The following TCF7L1 variants were observed in gnomAD, a reference collection of about 807,000 sequenced individuals.
TCF7L1 encodes the protein transcription factor 7-like 1.
Under a neutral mutation model 63.7 loss-of-function variants are expected in TCF7L1, and 18 were observed. The ratio of observed to expected loss-of-function variants is 0.28; its 90% confidence interval spans 0.20 to 0.42. The LOEUF (loss-of-function observed/expected upper bound fraction) is 0.42. Among genes scored for constraint, TCF7L1 ranks in the 10% least tolerant of loss-of-function variants. The pLI, the probability that TCF7L1 is intolerant of heterozygous loss-of-function variation, is 1.00. For synonymous variants in TCF7L1, 355 were observed against 340.9 expected (o/e 1.04, Z -0.46); for missense variants, 654 against 779.3 (o/e 0.84, Z 1.91).
intron 3 of TCF7L1, among the ~76,000 whole-genome samples, chr2:85,245,879 A>C (rs1680452964): frequency 1.3e-5 from 2 of 151,676 alleles, no homozygotes; most frequent in South Asian, 4.2e-4. Context: ...GACCAACAGC[A>C]GTTTGTCAGA....
At chr2:85,242,664 C>A (rs1191077412) in intron 3 of TCF7L1, among the ~76,000 whole-genome samples, 1 of 152,190 alleles carries the variant, frequency 6.6e-6, no homozygotes, top group East Asian at 1.9e-4. Flanking sequence ...AGCCTTGTCC[C>A]CAGGCTCAGT....
intron 3 of TCF7L1, among the ~76,000 whole-genome samples, chr2:85,211,322 C>G (rs1355648000): frequency 6.6e-6 from 1 of 152,204 alleles, no homozygotes; most frequent in Non-Finnish European, 1.5e-5. Flanking sequence ...AGCACTGCCC[C>G]TGATGTCTGT....
In TCF7L1 at chr2:85,302,512, C is replaced by T. The variant is rs749872975; in HGVS notation, c.554C>T (p.Pro185Leu). The change falls in exon 5 of 12, where the codon CCG (proline) becomes CTG (leucine). Residue 185 changes from proline (P) to leucine (L), a missense_variant. By Grantham distance (98) the Pro-to-Leu change is moderately conservative. Around this residue, in one of 3 missense-constraint regions of TCF7L1, gnomAD observed 404 missense variants for 454.8 expected, o/e 0.89. Transcript: ENST00000282111. ...AATAAAGTTCCTGTCGTTCAGCACC[C>T]GCATCACATGCATCCGCTGACTCCC... The part of the protein sequence containing the change: ...LSNKVPVVQH[P>L]HHMHPLTPLI... The T allele has an allele frequency of 3.1e-6, 5 of 1,614,140 alleles. No homozygotes were observed. The highest frequency in any genetic ancestry group is 1.6e-4 in the Middle Eastern group (1 of 6,062).
intron 3 of TCF7L1, among the ~76,000 whole-genome samples, chr2:85,193,332 A>C (rs2104267716): frequency 2.0e-5 from 3 of 152,224 alleles, no homozygotes; most frequent in Non-Finnish European, 4.4e-5. Context: ...AAACTAAGTG[A>C]TATTTAGTCT....
rs902324068 is a variant in TCF7L1, at chr2:85,142,073, A to C, written c.441+7623A>C. ...GAAAGGAAGACATGGCACACCTGGG[A>C]AATTTTCCCTCCTTTTATTATCTGG... On this transcript the variant is annotated intron_variant, in intron 3 of 11. Coordinates refer to ENST00000282111, the MANE Select transcript of TCF7L1 (RefSeq NM_031283.3). 2.6e-5 allele frequency among the ~76,000 whole-genome samples: 4 copies of C among 152,170 alleles called. No individual in the cohort carries two copies. In the East Asian group the frequency reaches 7.7e-4, roughly 29 times the overall value.
At chr2:85,256,204 C>G (rs753636845) in intron 3 of TCF7L1, among the ~76,000 whole-genome samples, 47 of 152,196 alleles carry the variant, frequency 3.1e-4, no homozygotes, top group Non-Finnish European at 6.0e-4. Flanking sequence ...GGCCGGTTGG[C>G]GTCCCCCCCG....
At chr2:85,188,044 C>T (rs1311016255) in intron 3 of TCF7L1, among the ~76,000 whole-genome samples, 4 of 152,166 alleles carry the variant, frequency 2.6e-5, no homozygotes, top group Non-Finnish European at 5.9e-5. Context: ...AGGTTATATA[C>T]TGCATTTGCC....
At chr2:85,304,145 C>G in intron 6 of TCF7L1, 110 bp from the exon 7 acceptor site, 1 of 1,308,536 alleles carries the variant, frequency 7.6e-7, no homozygotes, top group Non-Finnish European at 1.1e-6. Context: ...GTGCTCCCAG[C>G]ATTACCTTCC....
At chr2:85,307,586 G>A in intron 10 of TCF7L1, 56 bp from the exon 11 acceptor site, 4 of 1,513,260 alleles carry the variant, frequency 2.6e-6, no homozygotes, top group East Asian at 2.3e-5. Flanking sequence ...GGGAGCCCCT[G>A]AGAAGCCAGC....
chr2:85,286,804 A>T lies in TCF7L1; in HGVS notation c.525+3226A>T, dbSNP rs552645880. Among the ~76,000 whole-genome samples the T allele has an allele frequency of 1.3e-3, 204 of 152,230 alleles. 4 individuals are homozygous for T. The South Asian group carries it at 0.04, about 30-fold the overall frequency. On this transcript the variant is annotated intron_variant, in intron 4 of 11. Transcript: ENST00000282111. ...GCCACTGCGCCTGGCCAAAATTTTT[A>T]AAATTAGCCAGATGCAGTCATTCAC...
intron 3 of TCF7L1, among the ~76,000 whole-genome samples, chr2:85,247,458 G>GT (rs1225888054): frequency 6.6e-6 from 1 of 152,180 alleles, no homozygotes; most frequent in Non-Finnish European, 1.5e-5. Context: ...GAGACCTTTT[G>GT]TTTTTCCTGC....
chr2:85,309,103 T>C lies in TCF7L1; in HGVS notation c.1408T>C (p.Ser470Pro). 2 of 1,606,380 alleles carry C rather than the reference T, an allele frequency of 1.2e-6. No homozygotes were observed. Among genetic ancestry groups the C allele is most frequent in the Non-Finnish European group, 1.7e-6 (2 of 1,177,644 alleles). The change falls in exon 12 of 12, where the codon TCC (serine) becomes CCC (proline). Residue 470 changes from serine to proline, a missense_variant. By Grantham distance (74) the Ser-to-Pro change is moderately conservative. Coordinates refer to ENST00000282111, the MANE Select transcript of TCF7L1 (RefSeq NM_031283.3). ...CGAGAAGCCCTGTGACAGCCCTGCCTCCTCCCACGGGAGCATGCTGGACTC... is the reference window on the plus strand; with the variant it reads ...CGAGAAGCCCTGTGACAGCCCTGCCCCCTCCCACGGGAGCATGCTGGACTC... ...PPEKPCDSPA[S>P]SHGSMLDSPA...
chr2:85,155,869 AG>A (rs1007936157), intron 3 of TCF7L1, among the ~76,000 whole-genome samples: 12 of 152,020 alleles, frequency 7.9e-5, no homozygotes, highest in South Asian at 2.1e-4. Flanking sequence ...CTGTTGGGGG[AG>A]GGGGGAAATC....
intron 3 of TCF7L1, among the ~76,000 whole-genome samples, chr2:85,256,239 C>T (rs1680714763): frequency 6.8e-6 from 1 of 146,782 alleles, no homozygotes; most frequent in Non-Finnish European, 1.5e-5. Flanking sequence ...ATCGATGGTG[C>T]GTCCGCGCGC....
chr2:85,275,078 A>G (rs1056438565), intron 3 of TCF7L1, among the ~76,000 whole-genome samples: 1 of 152,246 alleles, frequency 6.6e-6, no homozygotes, highest in Admixed American at 6.5e-5. Flanking sequence ...CTGATTCCGT[A>G]TTTGTTGAAC....
rs145227374 is a variant in TCF7L1, at chr2:85,226,964, A to T, written c.442-56531A>T. Among the ~76,000 whole-genome samples, 491 of 152,146 alleles carry T rather than the reference A, an allele frequency of 3.2e-3. 4 individuals are homozygous for T. Among genetic ancestry groups the T allele is most frequent in the African/African-American group, 0.011 (474 of 41,494 alleles). On this transcript the variant is annotated intron_variant, in intron 3 of 11. Coordinates refer to ENST00000282111, the MANE Select transcript of TCF7L1 (RefSeq NM_031283.3). ...CGAGAACAGTCAGGGCTTGGGTTCA[A>T]ATAGCACCGCTGCCGCCGTTTTACC...
rs1677515590 is a variant in TCF7L1, at chr2:85,133,727, AGCG to A, written c.45_47del (p.Ser15_Gly16delinsArg). On this transcript the variant is annotated inframe_deletion, in exon 1 of 12. Transcript: ENST00000282111. The surrounding 1 kb of genome is among the most constrained non-coding windows in gnomAD (Gnocchi z 4.4). ...CGGGGGCGGCGGCGGCGGCGGCGGC[AGCG>A]GGGGAGGCGGCGGCTCCAGCGCCGG... 1 of 1,180,280 alleles carries A rather than the reference AGCG, an allele frequency of 8.5e-7. No individual in the cohort carries two copies. Among genetic ancestry groups the A allele is most frequent in the African/African-American group, 1.6e-5 (1 of 61,050 alleles). 73.1% of individuals were successfully genotyped at this position (1,180,280 alleles called of 1,614,324 possible).
chr2:85,253,373 G>A (rs1258515436), intron 3 of TCF7L1, among the ~76,000 whole-genome samples: 3 of 151,742 alleles, frequency 2.0e-5, no homozygotes, highest in African/African-American at 7.3e-5. Flanking sequence ...GGCGGGGGCG[G>A]GGAGGTCTGG....
chr2:85,261,122 T>TG (rs201643164), intron 3 of TCF7L1, among the ~76,000 whole-genome samples: 4 of 95,816 alleles, frequency 4.2e-5, no homozygotes, highest in Non-Finnish European at 6.8e-5. Flanking sequence ...CAATTATTGC[T>TG]GGTGTGTGTG....
Sources: allele counts gnomAD v4.1 joint callset (sites outside exome capture counted in the v4.1 genomes callset), GRCh38; gene constraint gnomAD v4.1.1; regional missense constraint gnomAD v4.1.1; non-coding constraint Gnocchi (gnomAD v3.1); transcripts MANE v1.5; gene names NCBI Gene and HGNC (gene_info 2026-07-23, HGNC 2026-07-21).